HEPACAM2: variants seen among roughly 807,000 people sequenced by gnomAD.
HEPACAM2 encodes mitotic kinetics regulator.
A neutral mutation model predicts 49.6 loss-of-function variants in HEPACAM2; 49 were observed. That is an observed-to-expected ratio of 0.99 (90% CI 0.78 to 1.25). HEPACAM2 has a LOEUF of 1.25. HEPACAM2 is among the 50% of genes most tolerant of loss of function. The probability of loss-of-function intolerance (pLI) is 0.00; values close to 1 mark genes in which losing one functional copy is unlikely to be tolerated. For synonymous variants in HEPACAM2, 197 were observed against 202.9 expected, an observed-to-expected ratio of 0.97 and a Z score of 0.25; for missense variants, 525 against 557.2, an observed-to-expected ratio of 0.94 and a Z score of 0.58.
chr7:93,220,217 T>G (rs1188184302), intron 1 of HEPACAM2, among the ~76,000 whole-genome samples: 1 of 152,184 alleles, frequency 6.6e-6, no homozygotes, highest in Non-Finnish European at 1.5e-5. Flanking sequence ...AAGGGCTATT[T>G]TTTTAAATGT....
At chr7:93,191,083 T>G (rs975822338) in intron 9 of HEPACAM2, among the ~76,000 whole-genome samples, 3 of 152,072 alleles carry the variant, frequency 2.0e-5, no homozygotes, top group Admixed American at 1.3e-4. Context: ...GCAAACAAAC[T>G]TCCCCTAGTT....
chr7:93,197,929 T>C (rs963316466), intron 4 of HEPACAM2, among the ~76,000 whole-genome samples: 1 of 152,144 alleles, frequency 6.6e-6, no homozygotes, highest in Admixed American at 6.6e-5. Context: ...TTCATCTCAT[T>C]GTCTCTACAT....
intron 9 of HEPACAM2, among the ~76,000 whole-genome samples, chr7:93,191,489 G>T (rs1322394449): frequency 6.6e-6 from 1 of 152,098 alleles, no homozygotes; most frequent in Admixed American, 6.6e-5. Context: ...TTCTGTATGT[G>T]GTTATTGATG....
intron 4 of HEPACAM2, 41 bp from the exon 5 acceptor site, chr7:93,197,651 AC>A: frequency 6.9e-7 from 1 of 1,455,702 alleles, no homozygotes; most frequent in Non-Finnish European, 9.3e-7. Context: ...ATAAATTGCT[AC>A]AGTATATAAC....
At chr7:93,201,219 TATTTA>T (rs1793874104) in intron 4 of HEPACAM2, among the ~76,000 whole-genome samples, 1 of 152,142 alleles carries the variant, frequency 6.6e-6, no homozygotes, top group African/African-American at 2.4e-5. Context: ...TCTGTTCATC[TATTTA>T]ATTAAAACCT....
At chr7:93,226,287 A>C (rs1047560845) in intron 1 of HEPACAM2, 81 bp downstream of exon 1, 3 of 1,029,916 alleles carry the variant, frequency 2.9e-6, no homozygotes, top group Non-Finnish European at 4.4e-6. Flanking sequence ...CTACAGCCTA[A>C]AGCAAATATT....
intron 3 of HEPACAM2, among the ~76,000 whole-genome samples, chr7:93,214,498 T>C (rs1005333496): frequency 3.9e-5 from 6 of 152,152 alleles, no homozygotes; most frequent in African/African-American, 1.4e-4. Context: ...GAGATTTTCA[T>C]AGGTAATGTT....
intron 4 of HEPACAM2, 44 bp from the exon 5 acceptor site, chr7:93,197,654 G>A: frequency 7.0e-7 from 1 of 1,424,540 alleles, no homozygotes; most frequent in Non-Finnish European, 9.5e-7. Context: ...AATTGCTACA[G>A]TATATAACTT....
At position 93,188,762 on chromosome 7, in the gene HEPACAM2, T is replaced by C. The variant is rs1480980797; in HGVS notation, c.*505A>G. Reference sequence around the variant, plus strand: ...GTGACAACCATCCTTATTACTTTGTTGTACAAATAACAAGATAGAAATTTG... The same window carrying C: ...GTGACAACCATCCTTATTACTTTGTCGTACAAATAACAAGATAGAAATTTG... On this transcript the variant is annotated 3_prime_UTR_variant, in exon 10 of 10. Transcript: ENST00000394468. The C allele has an allele frequency of 1.7e-5, 6 of 357,402 alleles. No homozygotes were observed. Among genetic ancestry groups the C allele is most frequent in the Non-Finnish European group, 3.0e-5 (6 of 200,580 alleles). 22.1% of individuals were successfully genotyped at this position (357,402 alleles called of 1,614,324 possible).
Position 93,197,737 on chromosome 7 carries a change from CAGAGAG to C in HEPACAM2, c.1013-133_1013-128del, listed in dbSNP as rs111505689. On this transcript the variant is annotated intron_variant, in intron 4 of 9. Transcript: ENST00000394468. ...TATAAACACGTATATTAGAGACACA[CAGAGAG>C]AGAGAGAGACCAAATGGAAGGAATG... 6 of 626,820 alleles carry C rather than the reference CAGAGAG, an allele frequency of 9.6e-6. No homozygotes were observed. The South Asian group carries it at 1.5e-4, about 16-fold the overall frequency. The allele number at this position is 626,820 out of a possible 1,614,324, so 38.8% of individuals were successfully genotyped here. A position where few individuals can be genotyped will look rare whatever the true frequency, so the allele number is the denominator to read the frequency against.
intron 4 of HEPACAM2, among the ~76,000 whole-genome samples, chr7:93,205,296 C>T (rs1163840406): frequency 2.0e-5 from 3 of 152,070 alleles, no homozygotes; most frequent in Non-Finnish European, 4.4e-5. Context: ...AAGAGAAAAA[C>T]ACAGAACTAA....
At chr7:93,217,404 GT>G (rs1794330808) in intron 2 of HEPACAM2, among the ~76,000 whole-genome samples, 1 of 152,160 alleles carries the variant, frequency 6.6e-6, no homozygotes, top group African/African-American at 2.4e-5. Context: ...GCTTTACTAA[GT>G]TTTTGGTTGC....
Position 93,215,624 on chromosome 7 carries a change from C to T in HEPACAM2, c.492G>A (p.Gly164=), listed in dbSNP as rs758823402. 1 of 1,613,668 alleles carries T rather than the reference C, an allele frequency of 6.2e-7. No homozygotes were observed. The highest frequency in any genetic ancestry group is 8.5e-7 in the Non-Finnish European group (1 of 1,179,792). ...HPPSGAVEYV[G]NMTLTCHVEG... ...CCACATGGCATGTCAGGGTCATGTT[C>T]CCCACATACTCCACAGCCCCAGAGG... The change falls in exon 3 of 10, where the codon GGG becomes GGA. Residue 164 remains glycine, a synonymous_variant. Transcript: ENST00000394468.
chr7:93,197,196 A>C (rs1258639917), intron 7 of HEPACAM2, 45 bp downstream of exon 7: 2 of 1,414,214 alleles, frequency 1.4e-6, no homozygotes, highest in Non-Finnish European at 1.9e-6. Context: ...CAACTAATTA[A>C]CATACATTAA....
chr7:93,209,638 C>T (rs984345191), intron 3 of HEPACAM2, among the ~76,000 whole-genome samples: 12 of 151,950 alleles, frequency 7.9e-5, no homozygotes, highest in Non-Finnish European at 1.0e-4. Context: ...TACTATTCTA[C>T]TCTCTATGTC....
At chr7:93,222,962 T>C (rs2116727307) in intron 1 of HEPACAM2, among the ~76,000 whole-genome samples, 1 of 152,292 alleles carries the variant, frequency 6.6e-6, no homozygotes, top group East Asian at 1.9e-4. Flanking sequence ...TCTGTGTTTT[T>C]TACAAAGAAA....
At chr7:93,196,969 A>G (rs1793741296) in intron 7 of HEPACAM2, among the ~76,000 whole-genome samples, 3 of 152,124 alleles carry the variant, frequency 2.0e-5, no homozygotes. Context: ...ACTGTGGACA[A>G]GTGACTTAAT....
upstream of HEPACAM2, among the ~76,000 whole-genome samples, chr7:93,228,887 G>T (rs1042032262): frequency 6.6e-6 from 1 of 151,064 alleles, no homozygotes; most frequent in African/African-American, 2.4e-5. Flanking sequence ...GTGTGTGTGT[G>T]TATGTGTGTG....
At chr7:93,231,526 A>G in the HEPACAM2 span, among the ~76,000 whole-genome samples, 1 of 152,226 alleles carries the variant, frequency 6.6e-6, no homozygotes. Context: ...GCAGTTCCTG[A>G]CAGGTACTCG....
Sources: allele counts gnomAD v4.1 joint callset (sites outside exome capture counted in the v4.1 genomes callset), GRCh38; gene constraint gnomAD v4.1.1; transcripts MANE v1.5; gene names NCBI Gene and HGNC (gene_info 2026-07-23, HGNC 2026-07-21).